The following IGSF11 variants were observed in gnomAD, a reference collection of about 807,000 sequenced individuals.
IGSF11 encodes the protein immunoglobulin superfamily member 11.
IGSF11 carries 22 observed loss-of-function variants against 41.0 expected under a neutral mutation model. The ratio of observed to expected loss-of-function variants is 0.54; its 90% CI spans 0.38 to 0.77. The LOEUF is 0.77. IGSF11 is among the 30% of genes least tolerant of loss of function. IGSF11 has a pLI of 0.00. For synonymous variants in IGSF11, 219 were observed against 201.3 expected, an observed-to-expected ratio of 1.09 and a Z score of -0.74; for missense variants, 444 against 530.8, an observed-to-expected ratio of 0.84 and a Z score of 1.61.
chr3:119,002,566 G>C (rs983669438), intron 1 of IGSF11, among the ~76,000 whole-genome samples: 20 of 137,502 alleles, frequency 1.5e-4, no homozygotes, highest in African/African-American at 5.7e-4. Context: ...GTCCTGAATG[G>C]TAATGCCTAG....
At chr3:119,032,180 T>C (rs915917320) in intron 1 of IGSF11, among the ~76,000 whole-genome samples, 5 of 152,240 alleles carry the variant, frequency 3.3e-5, no homozygotes, top group African/African-American at 1.2e-4. Flanking sequence ...CATTTCATTG[T>C]AGTGGCCACT....
intron 1 of IGSF11, among the ~76,000 whole-genome samples, chr3:119,022,545 A>G (rs1253747469): frequency 6.6e-6 from 1 of 152,234 alleles, no homozygotes; most frequent in Admixed American, 6.5e-5. Context: ...AGTTGTTTTA[A>G]GAACTGGCAA....
chr3:119,043,218 C>T (rs61681334), intron 1 of IGSF11, among the ~76,000 whole-genome samples: 4 of 152,288 alleles, frequency 2.6e-5, no homozygotes, highest in African/African-American at 9.6e-5. Context: ...TGGGAGGGGA[C>T]TCAAAGGGGG....
intron 1 of IGSF11, among the ~76,000 whole-genome samples, chr3:118,997,532 C>G (rs533336618): frequency 3.0e-4 from 43 of 144,554 alleles, no homozygotes; most frequent in East Asian, 6.8e-4. Flanking sequence ...TGCTGCCCCC[C>G]CCCAGCCACA....
intron 1 of IGSF11, among the ~76,000 whole-genome samples, chr3:119,031,956 T>C (rs1344540121): frequency 6.6e-6 from 1 of 152,232 alleles, no homozygotes; most frequent in African/African-American, 2.4e-5. Context: ...TTTCAAGGAA[T>C]CACAAGTATG....
intron 1 of IGSF11, among the ~76,000 whole-genome samples, chr3:119,126,788 G>A (rs2077409918): frequency 6.6e-6 from 1 of 151,908 alleles, no homozygotes; most frequent in African/African-American, 2.4e-5. Context: ...AGAGGGACCT[G>A]ACTATTGAAA....
chr3:118,978,285 A>C (rs1934341998), intron 1 of IGSF11, among the ~76,000 whole-genome samples: 1 of 152,104 alleles, frequency 6.6e-6, no homozygotes, highest in African/African-American at 2.4e-5. Context: ...TGCTACCTGC[A>C]GGTCTTCAGC....
chr3:119,135,980 A>G (rs994046607), intron 1 of IGSF11, among the ~76,000 whole-genome samples: 4 of 152,120 alleles, frequency 2.6e-5, no homozygotes, highest in Non-Finnish European at 4.4e-5. Flanking sequence ...ACCAAACACC[A>G]CATGTTCTCA....
chr3:119,036,306 A>G (rs76820247), upstream of IGSF11, among the ~76,000 whole-genome samples: 1,659 of 152,292 alleles, frequency 0.011, 23 homozygotes, highest in Non-Finnish European at 0.018. Flanking sequence ...TCCAACTATG[A>G]TATCACGAGG....
chr3:119,119,498 G>A (rs1047867414), intron 1 of IGSF11, among the ~76,000 whole-genome samples: 2 of 152,158 alleles, frequency 1.3e-5, no homozygotes, highest in African/African-American at 4.8e-5. Context: ...AATTCAAGAT[G>A]AGATTTGGGT....
chr3:119,058,868 A>G (rs1287926260), intron 1 of IGSF11, among the ~76,000 whole-genome samples: 2 of 152,054 alleles, frequency 1.3e-5, no homozygotes, highest in African/African-American at 4.8e-5. Flanking sequence ...GCAAACTACC[A>G]CAAGGACAAA....
intron 1 of IGSF11, among the ~76,000 whole-genome samples, chr3:119,040,192 T>C (rs1191807027): frequency 1.3e-5 from 2 of 152,282 alleles, no homozygotes; most frequent in East Asian, 3.9e-4. Context: ...ATGGATCAGC[T>C]GGCACCACCC....
chr3:119,053,360 C>T (rs968887706), intron 1 of IGSF11, among the ~76,000 whole-genome samples: 1 of 152,130 alleles, frequency 6.6e-6, no homozygotes, highest in East Asian at 1.9e-4. Context: ...CACTGCTACA[C>T]ACCAACAGCG....
At chr3:118,978,752 C>T (rs973990853) in intron 1 of IGSF11, among the ~76,000 whole-genome samples, 8 of 152,136 alleles carry the variant, frequency 5.3e-5, no homozygotes, top group Middle Eastern at 3.2e-3. Flanking sequence ...CCTACCCAAC[C>T]GACACCATAT....
chr3:119,088,025 G>T (rs2076704869), intron 1 of IGSF11, among the ~76,000 whole-genome samples: 2 of 152,062 alleles, frequency 1.3e-5, no homozygotes, highest in Non-Finnish European at 2.9e-5. Context: ...CACTGAGACA[G>T]AAAATTAACA....
chr3:118,904,266 C>T (rs1158970277), intron 6 of IGSF11, among the ~76,000 whole-genome samples: 1 of 152,214 alleles, frequency 6.6e-6, no homozygotes, highest in African/African-American at 2.4e-5. Flanking sequence ...TGTACAGGCA[C>T]TGGTATGCTC....
rs1939521466 is a variant in IGSF11 at position 118,905,823 on chromosome 3, A to C, written c.581-105T>G. The C allele has an allele frequency of 5.3e-6, 7 of 1,313,124 alleles. No homozygotes were observed. In the East Asian group the frequency reaches 1.7e-4, roughly 33 times the overall value. The allele number at this position is 1,313,124 out of a possible 1,614,324, so 81.3% of individuals were successfully genotyped here. ...ACAGACGAACACTGGAGAGCTATCA[A>C]TAAATTTCTTTTTTGTGGGGGTAGG... On this transcript the variant is annotated intron_variant, in intron 4 of 6. Coordinates refer to ENST00000393775, the MANE Select transcript of IGSF11 (RefSeq NM_001015887.3).
At chr3:118,942,295 C>T (rs182959048) in intron 1 of IGSF11, among the ~76,000 whole-genome samples, 2 of 152,298 alleles carry the variant, frequency 1.3e-5, no homozygotes, top group African/African-American at 4.8e-5. Context: ...CTGTCCCTGT[C>T]ACCAAACCCC....
At chr3:119,042,918 A>G (rs537454592) in intron 1 of IGSF11, among the ~76,000 whole-genome samples, 1 of 152,244 alleles carries the variant, frequency 6.6e-6, no homozygotes, top group Non-Finnish European at 1.5e-5. Flanking sequence ...TTGTTCTTAG[A>G]GCTCCCAAGA....
Sources: gnomAD v4.1 joint callset for allele counts (sites outside exome capture counted in the v4.1 genomes callset) on GRCh38, gnomAD v4.1.1 for gene constraint, MANE v1.5 for transcripts, NCBI Gene and HGNC (gene_info 2026-07-23, HGNC 2026-07-21) for gene names.